The following USH2A variants were observed in gnomAD, a reference collection of about 807,000 sequenced individuals.
USH2A encodes Usher syndrome 2A (autosomal recessive, mild).
Under a neutral mutation model 538.9 loss-of-function variants are expected in USH2A, and 443 were observed. That is an observed-to-expected ratio of 0.82 (90% CI 0.76 to 0.89). USH2A has a LOEUF of 0.89. Ranked by LOEUF, USH2A falls within the 40% of genes least tolerant of loss-of-function variation. The pLI, the probability that USH2A is intolerant of heterozygous loss-of-function variation, is 0.00. For missense variants in USH2A, 6,633 were observed against 6,324.8 expected (o/e 1.05, Z -1.65); for synonymous variants, 2,413 against 2,273.5 (o/e 1.06, Z -1.75).
intron 7 of USH2A, 23 bp downstream of exon 7, chr1:216,324,145 T>G (rs1000738065): frequency 2.5e-6 from 4 of 1,607,646 alleles, no homozygotes; most frequent in Admixed American, 3.4e-5. Context: ...TCTATTAAAT[T>G]AATTGTTTAA....
intron 21 of USH2A, among the ~76,000 whole-genome samples, chr1:216,106,530 A>G (rs2032737283): frequency 6.6e-6 from 1 of 151,270 alleles, no homozygotes; most frequent in South Asian, 2.1e-4. Context: ...TTAATCCAAA[A>G]TATTTTTTTC....
intron 52 of USH2A, among the ~76,000 whole-genome samples, chr1:215,783,317 CTTATAAA>C (rs1188204726): frequency 6.6e-6 from 1 of 152,102 alleles, no homozygotes; most frequent in African/African-American, 2.4e-5. Context: ...TATCATAGAA[CTTATAAA>C]TTATTGCTTT....
At chr1:215,666,583 A>C (rs1657610785) in intron 64 of USH2A, among the ~76,000 whole-genome samples, 1 of 152,176 alleles carries the variant, frequency 6.6e-6, no homozygotes, top group Admixed American at 6.5e-5. Flanking sequence ...CCCATCCCAG[A>C]ATCAGAACTA....
intron 49 of USH2A, among the ~76,000 whole-genome samples, chr1:215,810,723 C>T (rs1288242124): frequency 6.6e-6 from 1 of 152,144 alleles, no homozygotes; most frequent in Admixed American, 6.5e-5. Context: ...ATTTAAGTTA[C>T]TTCGAGAAAG....
chr1:216,046,006 GGTGTGTGTGTGTGTGTGTGTGTGT>G (rs59426829), intron 32 of USH2A, among the ~76,000 whole-genome samples: 5 of 137,668 alleles, frequency 3.6e-5, no homozygotes, highest in Admixed American at 2.2e-4. Context: ...CTATTTATCT[GGTGTGTGTGTGTGTGTGTGTGTGT>G]GTGTGTGTGT....
chr1:215,630,519 T>G (rs1197753821), intron 70 of USH2A, among the ~76,000 whole-genome samples: 23 of 107,522 alleles, frequency 2.1e-4, no homozygotes, highest in African/African-American at 7.2e-4. Context: ...TATATATATA[T>G]ATATATATGA....
intron 30 of USH2A, among the ~76,000 whole-genome samples, chr1:216,061,913 T>C (rs967612079): frequency 1.3e-5 from 2 of 152,194 alleles, no homozygotes; most frequent in African/African-American, 4.8e-5. Flanking sequence ...GCGCGGCTAA[T>C]GCAAACTTAC....
intron 44 of USH2A, among the ~76,000 whole-genome samples, chr1:215,865,927 A>G (rs145270787): frequency 6.6e-6 from 1 of 152,226 alleles, no homozygotes; most frequent in Non-Finnish European, 1.5e-5. Context: ...TAAATGGAGC[A>G]TCTCTCTTCT....
intron 43 of USH2A, among the ~76,000 whole-genome samples, chr1:215,868,185 T>G (rs1027472493): frequency 3.3e-5 from 5 of 152,142 alleles, no homozygotes; most frequent in African/African-American, 1.2e-4. Context: ...TGTCACAATC[T>G]CTGATTTGAC....
At chr1:215,695,038 G>A (rs990438298) in intron 61 of USH2A, among the ~76,000 whole-genome samples, 1 of 152,206 alleles carries the variant, frequency 6.6e-6, no homozygotes, top group Non-Finnish European at 1.5e-5. Flanking sequence ...ATGCAGCAGA[G>A]ATTATTATAA....
At chr1:215,737,834 C>T (rs1450999204) in intron 60 of USH2A, among the ~76,000 whole-genome samples, 2 of 151,994 alleles carry the variant, frequency 1.3e-5, no homozygotes, top group African/African-American at 2.4e-5. Flanking sequence ...AAAATGTTTT[C>T]ACTTATCTGC....
At chr1:215,641,988 A>G (rs1656701502) in intron 67 of USH2A, among the ~76,000 whole-genome samples, 2 of 152,192 alleles carry the variant, frequency 1.3e-5, no homozygotes, top group Non-Finnish European at 2.9e-5. Context: ...TTTGTCTATG[A>G]CTTCTCTCCA....
chr1:215,866,992 G>A lies in USH2A; in HGVS notation c.8845+15C>T, dbSNP rs1329208448. ...ATACACAAAGTGTTAACACAGGTAT[G>A]AGAAGCTTACTTACTTGGTTTAGCC... On this transcript the variant is annotated intron_variant, in intron 44 of 71. Transcript: ENST00000307340. 1.9e-6 allele frequency: 3 copies of A among 1,613,980 alleles called. No homozygotes were observed. The highest frequency in any genetic ancestry group is 2.5e-6 in the Non-Finnish European group (3 of 1,179,970).
intron 32 of USH2A, among the ~76,000 whole-genome samples, chr1:216,025,115 G>A (rs1668932421): frequency 6.6e-6 from 1 of 151,690 alleles, no homozygotes; most frequent in Non-Finnish European, 1.5e-5. Flanking sequence ...ATATTTTATT[G>A]TTGCCCTCTG....
intron 37 of USH2A, among the ~76,000 whole-genome samples, chr1:215,936,886 G>T (rs1666512871): frequency 6.6e-6 from 1 of 152,050 alleles, no homozygotes; most frequent in South Asian, 2.1e-4. Context: ...GCAAAAGAGG[G>T]TCTGATATCT....
chr1:216,119,937 T>C (rs2033093104), intron 21 of USH2A, among the ~76,000 whole-genome samples: 1 of 152,168 alleles, frequency 6.6e-6, no homozygotes, highest in Non-Finnish European at 1.5e-5. Context: ...GGTTTGCTTT[T>C]CCTCCTCAAC....
intron 11 of USH2A, among the ~76,000 whole-genome samples, chr1:216,260,731 T>C (rs2036354858): frequency 6.6e-6 from 1 of 152,138 alleles, no homozygotes; most frequent in African/African-American, 2.4e-5. Flanking sequence ...TCAAGAATAA[T>C]TGAAATTAAC....
At chr1:215,783,373 A>T (rs1661704200) in intron 52 of USH2A, among the ~76,000 whole-genome samples, 1 of 152,200 alleles carries the variant, frequency 6.6e-6, no homozygotes, top group African/African-American at 2.4e-5. Flanking sequence ...ATTTTAAATC[A>T]TATGGATTAT....
chr1:216,101,113 C>T (rs1406258372), intron 21 of USH2A, among the ~76,000 whole-genome samples: 1 of 152,008 alleles, frequency 6.6e-6, no homozygotes, highest in Non-Finnish European at 1.5e-5. Flanking sequence ...AAATCTATGA[C>T]AAAATTAAAA....
Sources: allele counts gnomAD v4.1 joint callset (sites outside exome capture counted in the v4.1 genomes callset), GRCh38; gene constraint gnomAD v4.1.1; transcripts MANE v1.5; gene names NCBI Gene and HGNC (gene_info 2026-07-23, HGNC 2026-07-21).